The following C2CD2 variants were observed in gnomAD, a reference collection of about 807,000 sequenced individuals.
The protein encoded by C2CD2 is C2 calcium dependent domain containing 2, also known as C2 domain-containing protein 2.
Under a neutral mutation model 74.3 loss-of-function variants are expected in C2CD2, and 43 were observed. That is an observed-to-expected ratio of 0.58 (90% CI 0.45 to 0.75). The LOEUF (loss-of-function observed/expected upper bound fraction) is 0.75. Among genes scored for constraint, C2CD2 ranks in the 30% least tolerant of loss-of-function variants. The pLI, the probability that C2CD2 is intolerant of heterozygous loss-of-function variation, is 0.00. For missense variants in C2CD2, 801 were observed against 916.3 expected, an observed-to-expected ratio of 0.87 and a Z score of 1.63; for synonymous variants, 422 against 390.7, an observed-to-expected ratio of 1.08 and a Z score of -0.94.
At chr21:41,909,291 T>C (rs1430398644) in intron 8 of C2CD2, among the ~76,000 whole-genome samples, 168 bp downstream of exon 8, 1 of 152,232 alleles carries the variant, frequency 6.6e-6, no homozygotes, top group Admixed American at 6.5e-5. Context: ...ACCTTGTTAA[T>C]AACTCAAATT....
Position 41,899,744 on chromosome 21 carries a change from G to A in C2CD2, c.1561-382C>T, listed in dbSNP as rs1265238865. 6.6e-6 allele frequency among the ~76,000 whole-genome samples: 1 copy of A among 152,176 alleles called. No individual in the cohort carries two copies. Among genetic ancestry groups the A allele is most frequent in the Admixed American group, 6.5e-5 (1 of 15,274 alleles). On this transcript the variant is annotated intron_variant, in intron 12 of 13. Coordinates refer to ENST00000380486, the MANE Select transcript of C2CD2 (RefSeq NM_015500.2). This position sits in a 1 kb window ranked among gnomAD's most constrained non-coding sequence, Gnocchi z 4.4. ...AAAGGAAATGGCCGTGGGTGTTTCG[G>A]GTTTAGCTGTCTTTGTTCCTACACG...
intron 2 of C2CD2, among the ~76,000 whole-genome samples, chr21:41,940,016 T>G (rs912292608): frequency 1.3e-5 from 2 of 152,164 alleles, no homozygotes; most frequent in African/African-American, 4.8e-5. Context: ...AATCTGAAAC[T>G]TTTTGAGGGC....
At chr21:41,946,071 C>A (rs548106381) in intron 1 of C2CD2, among the ~76,000 whole-genome samples, 2 of 152,232 alleles carry the variant, frequency 1.3e-5, no homozygotes, top group South Asian at 4.2e-4. Context: ...TTCTGTCTTG[C>A]GGGAGAGTTC....
rs938157150 is a variant in C2CD2 at position 41,895,025 on chromosome 21, C to T, written c.1870+4028G>A. 2.2e-5 allele frequency: 10 copies of T among 449,816 alleles called. No individual in the cohort carries two copies. The highest frequency in any genetic ancestry group is 1.0e-4 in the African/African-American group (5 of 50,010). The allele number at this position is 449,816 out of a possible 1,614,324, so 27.9% of individuals were successfully genotyped here. ...ATTCAACAGAACACGCACTGAGGTG[C>T]GGCTGGGAAGGCATTGTGTAGATGT... On this transcript the variant is annotated intron_variant, in intron 13 of 13. Coordinates refer to ENST00000380486, the MANE Select transcript of C2CD2 (RefSeq NM_015500.2). The surrounding 1 kb of genome is among the most constrained non-coding windows in gnomAD (Gnocchi z 5.0).
At chr21:41,893,299 C>T (rs2064779035) in intron 13 of C2CD2, among the ~76,000 whole-genome samples, 2 of 152,042 alleles carry the variant, frequency 1.3e-5, no homozygotes, top group South Asian at 4.1e-4. Flanking sequence ...CACAAGAATT[C>T]GAGACTACAA....
chr21:41,953,629 C>T lies in C2CD2; in HGVS notation c.20G>A (p.Gly7Asp), dbSNP rs1263122728. 2.6e-5 allele frequency: 39 copies of T among 1,487,770 alleles called. No homozygotes were observed. Among genetic ancestry groups the T allele is most frequent in the Non-Finnish European group, 3.5e-5 (39 of 1,128,232 alleles). The allele number at this position is 1,487,770 out of a possible 1,614,324, so 92.2% of individuals were successfully genotyped here. A position where few individuals can be genotyped will look rare whatever the true frequency, so the allele number is the denominator to read the frequency against. The part of the protein sequence containing the change: MAMARL[G>D]SWLGEAQWLA... ...CCACTGCGCCTCCCCGAGCCACGAG[C>T]CCAGCCGGGCCATGGCCATGGCGCA... The change falls in exon 1 of 14, where the codon GGC (glycine) becomes GAC (aspartate). Residue 7 changes from glycine (G) to aspartate (D), a missense_variant. Transcript: ENST00000380486.
At chr21:41,952,076 C>CAGGG (rs1213369070) in intron 1 of C2CD2, among the ~76,000 whole-genome samples, 1 of 152,188 alleles carries the variant, frequency 6.6e-6, no homozygotes, top group African/African-American at 2.4e-5. Context: ...GTGAGGCCAA[C>CAGGG]AGGGGTGGAG....
rs918714685 is a variant in C2CD2, at chr21:41,945,008, T to G, written c.280-2763A>C. 6.6e-6 allele frequency among the ~76,000 whole-genome samples: 1 copy of G among 152,222 alleles called. No individual in the cohort carries two copies. Among genetic ancestry groups the G allele is most frequent in the Admixed American group, 6.5e-5 (1 of 15,282 alleles). On this transcript the variant is annotated intron_variant, in intron 1 of 13. Coordinates refer to ENST00000380486, the MANE Select transcript of C2CD2 (RefSeq NM_015500.2). This position sits in a 1 kb window ranked among gnomAD's most constrained non-coding sequence, Gnocchi z 4.2. ...ATATAACCTAAGAAGCTTGGAAAAC[T>G]GCATCTTGACTGCATATAAATGCTA...
At chr21:41,937,274 G>A (rs1377152403) in intron 2 of C2CD2, among the ~76,000 whole-genome samples, 2 of 151,312 alleles carry the variant, frequency 1.3e-5, no homozygotes, top group African/African-American at 4.9e-5. Context: ...CCATCACCAC[G>A]CTCGGCTAAT....
In C2CD2 at chr21:41,927,988, G is replaced by T. The variant is rs548053551; in HGVS notation, c.379-5903C>A. Among the ~76,000 whole-genome samples the T allele has an allele frequency of 3.3e-5, 5 of 152,322 alleles. No individual in the cohort carries two copies. The South Asian group carries it at 1.0e-3, about 32-fold the overall frequency. The stretch of plus-strand genomic sequence containing the variant: ...AACAAGAAAGCCTTTCAGTAATGCT[G>T]CACTGCAAGGAGGTGTTGTTAATGC... On this transcript the variant is annotated intron_variant, in intron 2 of 13. Transcript: ENST00000380486.
At chr21:41,917,135 G>A (rs2065101254) in intron 5 of C2CD2, among the ~76,000 whole-genome samples, 1 of 152,178 alleles carries the variant, frequency 6.6e-6, no homozygotes, top group Admixed American at 6.5e-5. Context: ...GCAGGCTTCG[G>A]GAGGGTGATG....
intron 6 of C2CD2, among the ~76,000 whole-genome samples, chr21:41,914,054 CCT>C (rs988940783): frequency 6.6e-6 from 1 of 152,040 alleles, no homozygotes; most frequent in Admixed American, 6.6e-5. Flanking sequence ...ATGGAGAAAC[CCT>C]GTCTGTACTA....
intron 2 of C2CD2, among the ~76,000 whole-genome samples, chr21:41,930,173 C>A (rs1003119212): frequency 6.7e-6 from 1 of 149,642 alleles, no homozygotes; most frequent in African/African-American, 2.4e-5. Flanking sequence ...GGTTATAAAT[C>A]GACTGTTCTC....
chr21:41,949,904 C>T (rs778823460), intron 1 of C2CD2, among the ~76,000 whole-genome samples: 27 of 152,216 alleles, frequency 1.8e-4, no homozygotes, highest in Admixed American at 3.9e-4. Context: ...AACCAAACAC[C>T]GCATGTTCTC....
chr21:41,894,908 C>T (rs1569054421), intron 13 of C2CD2: 1 of 456,734 alleles, frequency 2.2e-6, no homozygotes, highest in Non-Finnish European at 4.4e-6. Flanking sequence ...GTCTGCTGGG[C>T]AGTAACCCCA....
chr21:41,928,818 C>T (rs2065239235), intron 2 of C2CD2, among the ~76,000 whole-genome samples: 1 of 152,184 alleles, frequency 6.6e-6, no homozygotes, highest in Non-Finnish European at 1.5e-5. Flanking sequence ...GAATAAGGTT[C>T]TGGGGGAAAT....
rs2064715470 is a variant in C2CD2 at position 41,889,049 on chromosome 21, C to T, written c.*75G>A. ...GCGGGGCATCTGGACATCCGGCGGA[C>T]ACACTGGCTGCGTCCTGGTGAGGGT... On this transcript the variant is annotated 3_prime_UTR_variant, in exon 14 of 14. Transcript: ENST00000380486. 1 of 1,087,646 alleles carries T rather than the reference C, an allele frequency of 9.2e-7. No individual in the cohort carries two copies. The highest frequency in any genetic ancestry group is 1.4e-6 in the Non-Finnish European group (1 of 712,904). The allele number at this position is 1,087,646 out of a possible 1,614,324, so 67.4% of individuals were successfully genotyped here. A position where few individuals can be genotyped will look rare whatever the true frequency, so the allele number is the denominator to read the frequency against.
chr21:41,932,688 G>A (rs2065272858), intron 2 of C2CD2, among the ~76,000 whole-genome samples: 1 of 150,680 alleles, frequency 6.6e-6, no homozygotes, highest in African/African-American at 2.4e-5. Context: ...GACTGCTCCT[G>A]GCCGCAGCCG....
At chr21:41,941,161 C>T (rs191962196) in intron 2 of C2CD2, among the ~76,000 whole-genome samples, 1,784 of 152,028 alleles carry the variant, frequency 0.012, 24 homozygotes, top group South Asian at 0.018. Flanking sequence ...TCAAAACCAG[C>T]TTAGGCAACA....
Sources: allele counts gnomAD v4.1 joint callset (sites outside exome capture counted in the v4.1 genomes callset), GRCh38; gene constraint gnomAD v4.1.1; non-coding constraint Gnocchi (gnomAD v3.1); transcripts MANE v1.5; gene names NCBI Gene and HGNC (gene_info 2026-07-23, HGNC 2026-07-21).